Variants in ZMYM4 observed in about 807,000 individuals in gnomAD.
The protein encoded by ZMYM4 is zinc finger MYM-type containing 4, also known as zinc finger MYM-type protein 4.
ZMYM4 carries 31 observed loss-of-function variants against 183.2 expected under a neutral mutation model. The observed-to-expected ratio is 0.17, with a 90% CI of 0.13 to 0.23. The LOEUF (loss-of-function observed/expected upper bound fraction) is 0.23, where lower values mean the gene tolerates loss of function less well. ZMYM4 is among the 10% of genes least tolerant of loss of function. The pLI is 1.00. For synonymous variants in ZMYM4, 592 were observed against 631.2 expected, an observed-to-expected ratio of 0.94 and a Z score of 0.93; for missense variants, 1,273 against 1,840.3, an observed-to-expected ratio of 0.69 and a Z score of 5.64.
intron 1 of ZMYM4, chr1:35,292,488 C>T (rs552315392): frequency 7.2e-5 from 11 of 152,916 alleles, no homozygotes; most frequent in South Asian, 6.2e-4. Flanking sequence ...GCATATGCCA[C>T]GTCGTGCAGC....
At chr1:35,326,734 G>T (rs116833256) in intron 2 of ZMYM4, among the ~76,000 whole-genome samples, 1 of 152,072 alleles carries the variant, frequency 6.6e-6, no homozygotes, top group Non-Finnish European at 1.5e-5. Flanking sequence ...ATTTAGACAC[G>T]CTAATTAACC....
Position 35,415,905 on chromosome 1 carries a change from A to G in ZMYM4, c.4309+191A>G, listed in dbSNP as rs185749923. Among the ~76,000 whole-genome samples, 528 of 152,364 alleles carry G rather than the reference A, an allele frequency of 3.5e-3. 2 individuals are homozygous for G. Among genetic ancestry groups the G allele is most frequent in the Non-Finnish European group, 4.8e-3 (328 of 68,034 alleles). ...AGTGAGAGGAATCACGTGCTTCAAT[A>G]TACTTTCATTGGCTTTTAAATTAGA... is the stretch of plus-strand genomic sequence containing the variant. On this transcript the variant is annotated intron_variant, in intron 28 of 29. Coordinates refer to ENST00000314607, the MANE Select transcript of ZMYM4 (RefSeq NM_005095.3).
chr1:35,279,862 T>C (rs1640058489), intron 1 of ZMYM4, among the ~76,000 whole-genome samples: 1 of 152,206 alleles, frequency 6.6e-6, no homozygotes, highest in Non-Finnish European at 1.5e-5. Context: ...AACCAAAATA[T>C]TGATATGAAC....
At chr1:35,374,316 G>A (rs935447101) in intron 7 of ZMYM4, among the ~76,000 whole-genome samples, 8 of 152,022 alleles carry the variant, frequency 5.3e-5, no homozygotes, top group Non-Finnish European at 1.2e-4. Flanking sequence ...TTACAGGCAT[G>A]AGCCACCGTG....
chr1:35,397,652 G>A (rs1644833656), intron 20 of ZMYM4, 107 bp downstream of exon 20: 1 of 942,902 alleles, frequency 1.1e-6, no homozygotes, highest in Admixed American at 3.6e-5. Flanking sequence ...AACCTTTATT[G>A]TCTGTGAATA....
chr1:35,420,029 G>A lies in ZMYM4; in HGVS notation c.*352G>A. ...CATAGTAACCTTAGACCTTAGAGAG[G>A]TAGCTTTGGAGTGAAACTTTGGCTG... On this transcript the variant is annotated 3_prime_UTR_variant, in exon 30 of 30. Transcript: ENST00000314607. 1 of 296,140 alleles carries A rather than the reference G, an allele frequency of 3.4e-6. No individual in the cohort carries two copies. Among genetic ancestry groups the A allele is most frequent in the South Asian group, 3.6e-5 (1 of 27,810 alleles). The allele number at this position is 296,140 out of a possible 1,614,324, so 18.3% of individuals were successfully genotyped here. A position where few individuals can be genotyped will look rare whatever the true frequency, so the allele number is the denominator to read the frequency against.
rs1640287103 is a variant in ZMYM4 at position 35,283,311 on chromosome 1, G to T, written c.39+14226G>T. On this transcript the variant is annotated intron_variant, in intron 1 of 29. Coordinates refer to ENST00000314607, the MANE Select transcript of ZMYM4 (RefSeq NM_005095.3). Reference sequence around the variant, plus strand: ...TTTTTGGTTAATAACTGTCCTAGTGGGTGTGAAGTGGTATCTTTTTTTTTT... The same window carrying T: ...TTTTTGGTTAATAACTGTCCTAGTGTGTGTGAAGTGGTATCTTTTTTTTTT... 2.1e-5 allele frequency among the ~76,000 whole-genome samples: 3 copies of T among 145,934 alleles called. No individual in the cohort carries two copies. In the South Asian group the frequency reaches 6.6e-4, roughly 32 times the overall value.
intron 5 of ZMYM4, among the ~76,000 whole-genome samples, chr1:35,365,179 G>C (rs1644040911): frequency 6.7e-6 from 1 of 149,518 alleles, no homozygotes; most frequent in Non-Finnish European, 1.5e-5. Flanking sequence ...GAGATATAGA[G>C]ATTTAGTTAC....
intron 1 of ZMYM4, among the ~76,000 whole-genome samples, chr1:35,278,091 G>T (rs1313753555): frequency 1.3e-5 from 2 of 152,098 alleles, no homozygotes; most frequent in Non-Finnish European, 2.9e-5. Flanking sequence ...CTATCTTCTT[G>T]TGGCTTGGTT....
chr1:35,350,377 C>T (rs1279340079), intron 2 of ZMYM4, among the ~76,000 whole-genome samples: 1 of 152,076 alleles, frequency 6.6e-6, no homozygotes, highest in Non-Finnish European at 1.5e-5. Context: ...CAACCTCTAC[C>T]TCCCAGGTTC....
At chr1:35,298,201 G>A (rs778857029) in intron 1 of ZMYM4, among the ~76,000 whole-genome samples, 16 of 152,142 alleles carry the variant, frequency 1.1e-4, no homozygotes, top group Non-Finnish European at 1.8e-4. Flanking sequence ...GCCCCCCTGG[G>A]GTGCCAATAA....
chr1:35,364,022 G>A (rs953035130), intron 5 of ZMYM4, among the ~76,000 whole-genome samples: 20 of 152,198 alleles, frequency 1.3e-4, no homozygotes, highest in Non-Finnish European at 2.4e-4. Flanking sequence ...AAGGTTATTA[G>A]TATTGTTGTT....
chr1:35,303,744 T>A lies in ZMYM4; in HGVS notation c.40-21616T>A, dbSNP rs190344513. On this transcript the variant is annotated intron_variant, in intron 1 of 29. Coordinates refer to ENST00000314607, the MANE Select transcript of ZMYM4 (RefSeq NM_005095.3). ...ATGCTGTTCTTTATTTTCTATTTAA[T>A]TTATTTTTGCTTTTATCATTATTTG... is the stretch of plus-strand genomic sequence containing the variant. Among the ~76,000 whole-genome samples the A allele has an allele frequency of 2.6e-5, 4 of 152,334 alleles. No homozygotes were observed. In the East Asian group the frequency reaches 7.7e-4, roughly 29 times the overall value.
chr1:35,332,204 TAATC>T (rs1642782994), intron 2 of ZMYM4, among the ~76,000 whole-genome samples: 1 of 152,182 alleles, frequency 6.6e-6, no homozygotes, highest in South Asian at 2.1e-4. Flanking sequence ...TTGACATTGT[TAATC>T]ACTAGTGTCA....
At chr1:35,363,769 A>G (rs914774042) in intron 5 of ZMYM4, among the ~76,000 whole-genome samples, 4 of 152,226 alleles carry the variant, frequency 2.6e-5, no homozygotes, top group African/African-American at 9.6e-5. Flanking sequence ...AGATATCTGA[A>G]TTAGGGATAA....
chr1:35,272,499 A>G (rs1469785614), intron 1 of ZMYM4, among the ~76,000 whole-genome samples: 1 of 152,214 alleles, frequency 6.6e-6, no homozygotes, highest in Non-Finnish European at 1.5e-5. Context: ...GTAGGAACTC[A>G]AAAGACTTGC....
chr1:35,347,924 T>C (rs1038196151), intron 2 of ZMYM4, among the ~76,000 whole-genome samples: 1 of 152,206 alleles, frequency 6.6e-6, no homozygotes, highest in Admixed American at 6.5e-5. Flanking sequence ...CTCAGTAAGA[T>C]GATAGTTTAT....
intron 2 of ZMYM4, chr1:35,351,407 C>T (rs576732496): frequency 3.2e-6 from 5 of 1,571,376 alleles, no homozygotes; most frequent in East Asian, 2.2e-5. Flanking sequence ...TAAAGAACAG[C>T]GTAACTCCAG....
At chr1:35,370,238 A>AT (rs1644175242) in intron 6 of ZMYM4, 125 bp downstream of exon 6, 1 of 1,458,506 alleles carries the variant, frequency 6.9e-7, no homozygotes, top group Non-Finnish European at 9.1e-7. Flanking sequence ...TAAATTGTAT[A>AT]TTGCATAATT....
Sources: allele counts gnomAD v4.1 joint callset (sites outside exome capture counted in the v4.1 genomes callset), GRCh38; gene constraint gnomAD v4.1.1; transcripts MANE v1.5; gene names NCBI Gene and HGNC (gene_info 2026-07-23, HGNC 2026-07-21).